The following NLGN1 variants were observed in gnomAD, a reference collection of about 807,000 sequenced individuals.
The protein encoded by NLGN1 is neuroligin-1.
A neutral mutation model predicts 65.5 loss-of-function variants in NLGN1; 12 were observed. The ratio of observed to expected loss-of-function variants is 0.18; its 90% confidence interval spans 0.12 to 0.30. NLGN1 has a LOEUF of 0.30. Among genes scored for constraint, NLGN1 ranks in the 10% least tolerant of loss-of-function variants. The pLI is 1.00. For missense variants in NLGN1, 750 were observed against 1,007.1 expected, an observed-to-expected ratio of 0.74 and a Z score of 3.46; for synonymous variants, 350 against 359.5, an observed-to-expected ratio of 0.97 and a Z score of 0.30.
intron 2 of NLGN1, among the ~76,000 whole-genome samples, chr3:173,497,700 C>T (rs1730265346): frequency 6.6e-6 from 1 of 151,724 alleles, no homozygotes; most frequent in Non-Finnish European, 1.5e-5. Context: ...TGATGATTCA[C>T]AAATTGATAT....
chr3:174,011,826 G>A (rs759267735), intron 4 of NLGN1, among the ~76,000 whole-genome samples: 108 of 151,664 alleles, frequency 7.1e-4, no homozygotes, highest in Non-Finnish European at 1.1e-3. Flanking sequence ...TTACATCAGA[G>A]AACAAAACCT....
At chr3:173,446,283 C>A (rs1720294401) in intron 2 of NLGN1, among the ~76,000 whole-genome samples, 1 of 139,372 alleles carries the variant, frequency 7.2e-6, no homozygotes, top group African/African-American at 2.6e-5. Context: ...TCTCATTGTT[C>A]AATTCCCACC....
intron 3 of NLGN1, among the ~76,000 whole-genome samples, chr3:173,715,308 A>G (rs1477336886): frequency 3.9e-5 from 6 of 152,208 alleles, no homozygotes; most frequent in Admixed American, 3.3e-4. Context: ...AAACACTTTC[A>G]TGTCCAATTC....
chr3:174,056,460 C>A (rs1328018632), intron 4 of NLGN1, among the ~76,000 whole-genome samples: 2 of 151,652 alleles, frequency 1.3e-5, no homozygotes, highest in African/African-American at 4.8e-5. Flanking sequence ...AACAAACAGA[C>A]CTATTTGTTA....
chr3:173,432,488 G>A (rs535434865), intron 1 of NLGN1, among the ~76,000 whole-genome samples: 2 of 152,272 alleles, frequency 1.3e-5, no homozygotes, highest in East Asian at 1.9e-4. Context: ...AGGATGTGGA[G>A]CATCTTTTTC....
At chr3:173,802,397 C>G (rs546380284) in intron 3 of NLGN1, among the ~76,000 whole-genome samples, 1 of 152,286 alleles carries the variant, frequency 6.6e-6, no homozygotes, top group South Asian at 2.1e-4. Flanking sequence ...TTTAAATACT[C>G]AAAAGCGTAG....
At chr3:173,440,506 A>G (rs1216069168) in intron 2 of NLGN1, among the ~76,000 whole-genome samples, 1 of 152,150 alleles carries the variant, frequency 6.6e-6, no homozygotes, top group Admixed American at 6.5e-5. Flanking sequence ...GAAAGTTGAA[A>G]TTCCCTCTTA....
At chr3:173,487,288 A>G (rs1478160553) in intron 2 of NLGN1, among the ~76,000 whole-genome samples, 1 of 151,796 alleles carries the variant, frequency 6.6e-6, no homozygotes, top group Non-Finnish European at 1.5e-5. Context: ...TAAATTTTCT[A>G]AGCCTTGGTT....
chr3:173,808,314 T>C (rs1717115649), intron 4 of NLGN1, among the ~76,000 whole-genome samples: 1 of 152,094 alleles, frequency 6.6e-6, no homozygotes, highest in African/African-American at 2.4e-5. Flanking sequence ...TTAGTAATAT[T>C]TTTCTGAATG....
chr3:174,157,316 T>C (rs1725624566), intron 4 of NLGN1, among the ~76,000 whole-genome samples: 1 of 151,774 alleles, frequency 6.6e-6, no homozygotes, highest in East Asian at 1.9e-4. Context: ...TTCCCCCTCT[T>C]TCTCATCATT....
At chr3:173,903,616 A>C (rs1212687675) in intron 4 of NLGN1, among the ~76,000 whole-genome samples, 1 of 152,188 alleles carries the variant, frequency 6.6e-6, no homozygotes, top group Non-Finnish European at 1.5e-5. Context: ...AGAATAATCT[A>C]TTGGTGAGGC....
chr3:173,603,350 A>G (rs1334520835), intron 2 of NLGN1, among the ~76,000 whole-genome samples: 1 of 152,132 alleles, frequency 6.6e-6, no homozygotes, highest in Non-Finnish European at 1.5e-5. Context: ...CTGTGTAAAC[A>G]GTGATAGATG....
At chr3:173,955,213 T>C (rs2152335863) in intron 4 of NLGN1, among the ~76,000 whole-genome samples, 1 of 152,306 alleles carries the variant, frequency 6.6e-6, no homozygotes, top group South Asian at 2.1e-4. Flanking sequence ...AAATCATTCA[T>C]CCTTGGCTCA....
chr3:174,045,762 A>G (rs1196577681), intron 4 of NLGN1, among the ~76,000 whole-genome samples: 2 of 152,192 alleles, frequency 1.3e-5, no homozygotes, highest in African/African-American at 4.8e-5. Flanking sequence ...TCTTTACTCT[A>G]TATTTTACTG....
chr3:174,208,804 T>C (rs1017432183), intron 4 of NLGN1, among the ~76,000 whole-genome samples: 26 of 152,228 alleles, frequency 1.7e-4, no homozygotes, highest in African/African-American at 6.0e-4. Context: ...TGTTTATCTT[T>C]CTATTCCTTT....
chr3:174,233,536 A>G, intron 4 of NLGN1, among the ~76,000 whole-genome samples: 1 of 151,652 alleles, frequency 6.6e-6, no homozygotes, highest in East Asian at 1.9e-4. Context: ...ATAAACAGTT[A>G]AAGGCAAACC....
At chr3:174,094,016 T>C (rs1744994281) in intron 4 of NLGN1, among the ~76,000 whole-genome samples, 1 of 152,178 alleles carries the variant, frequency 6.6e-6, no homozygotes, top group South Asian at 2.1e-4. Flanking sequence ...TTTTTCTTTA[T>C]TATATAAATC....
intron 2 of NLGN1, among the ~76,000 whole-genome samples, chr3:173,502,575 G>A (rs1041965441): frequency 6.6e-6 from 1 of 152,092 alleles, no homozygotes; most frequent in Non-Finnish European, 1.5e-5. Flanking sequence ...GTGTGTGCAC[G>A]TATGTGTGTA....
intron 4 of NLGN1, among the ~76,000 whole-genome samples, chr3:173,867,091 G>A (rs902966020): frequency 6.6e-6 from 1 of 151,998 alleles, no homozygotes; most frequent in Non-Finnish European, 1.5e-5. Flanking sequence ...AGCACATTAA[G>A]GATAATTTTC....
Sources: allele counts gnomAD v4.1 joint callset (sites outside exome capture counted in the v4.1 genomes callset), GRCh38; gene constraint gnomAD v4.1.1; transcripts MANE v1.5; gene names NCBI Gene and HGNC (gene_info 2026-07-23, HGNC 2026-07-21).